The following ZDHHC14 variants were observed in gnomAD, a reference collection of about 807,000 sequenced individuals.
The protein encoded by ZDHHC14 is zDHHC palmitoyltransferase 14.
Under a neutral mutation model 47.7 loss-of-function variants are expected in ZDHHC14, and 16 were observed. The observed-to-expected ratio is 0.34, with a 90% CI of 0.23 to 0.51. The LOEUF is 0.51. ZDHHC14 is among the 20% of genes least tolerant of loss of function. The pLI is 0.97. For synonymous variants in ZDHHC14, 293 were observed against 278.9 expected, an observed-to-expected ratio of 1.05 and a Z score of -0.50; for missense variants, 515 against 662.5, an observed-to-expected ratio of 0.78 and a Z score of 2.44.
At chr6:157,628,319 CT>C (rs66974557) in intron 3 of ZDHHC14, 29 bp from the exon 4 acceptor site, 86,798 of 1,403,166 alleles carry the variant, frequency 0.062, 5,082 homozygotes, top group African/African-American at 0.44. Context: ...TTGATTTCCA[CT>C]TTTTTTTTTT....
chr6:157,664,468 C>T (rs1292332742), intron 8 of ZDHHC14, among the ~76,000 whole-genome samples: 1 of 152,136 alleles, frequency 6.6e-6, no homozygotes, highest in Non-Finnish European at 1.5e-5. Flanking sequence ...GGCTAGTCAC[C>T]TTGAACGTGT....
chr6:157,552,228 AG>A (rs1178337689), intron 2 of ZDHHC14, among the ~76,000 whole-genome samples: 1 of 152,190 alleles, frequency 6.6e-6, no homozygotes, highest in African/African-American at 2.4e-5. Flanking sequence ...GGGAGGATAA[AG>A]CAAGATGATG....
intron 3 of ZDHHC14, among the ~76,000 whole-genome samples, chr6:157,596,625 G>A (rs1784144322): frequency 6.6e-6 from 1 of 152,178 alleles, no homozygotes; most frequent in Admixed American, 6.5e-5. Flanking sequence ...GGCCAGGGCT[G>A]AATCCTGGTC....
intron 1 of ZDHHC14, among the ~76,000 whole-genome samples, chr6:157,459,812 C>G (rs967003916): frequency 1.3e-5 from 2 of 152,140 alleles, no homozygotes; most frequent in Non-Finnish European, 2.9e-5. Context: ...TGGTGGCTCA[C>G]ACCTGTAATC....
chr6:157,540,933 T>TATAA (rs1252700559), intron 1 of ZDHHC14, among the ~76,000 whole-genome samples: 19 of 143,446 alleles, frequency 1.3e-4, no homozygotes, highest in African/African-American at 5.3e-4. Flanking sequence ...TATATATATA[T>TATAA]AATTTCATAC....
At chr6:157,397,671 G>A (rs187198249) in intron 1 of ZDHHC14, among the ~76,000 whole-genome samples, 38 of 152,336 alleles carry the variant, frequency 2.5e-4, no homozygotes, top group Non-Finnish European at 4.0e-4. Context: ...AAGGTAACGT[G>A]TTCACAGGTT....
intron 2 of ZDHHC14, among the ~76,000 whole-genome samples, chr6:157,592,162 G>C (rs984432008): frequency 2.6e-5 from 4 of 151,856 alleles, no homozygotes; most frequent in Admixed American, 2.6e-4. Context: ...TCTGGAACAG[G>C]GTTCACACCT....
chr6:157,402,901 AT>A (rs1357137207), intron 1 of ZDHHC14, among the ~76,000 whole-genome samples: 2 of 152,062 alleles, frequency 1.3e-5, no homozygotes, highest in East Asian at 3.9e-4. Flanking sequence ...TAGTTTTTAA[AT>A]TTTTTTATTT....
At chr6:157,628,589 T>G in intron 4 of ZDHHC14, 103 bp downstream of exon 4, 1 of 1,431,124 alleles carries the variant, frequency 7.0e-7, no homozygotes, top group South Asian at 1.3e-5. Flanking sequence ...GGGCTTTCTC[T>G]TTCCCTTTCT....
At chr6:157,602,028 C>T (rs948116077) in intron 3 of ZDHHC14, among the ~76,000 whole-genome samples, 15 of 151,528 alleles carry the variant, frequency 9.9e-5, no homozygotes, top group East Asian at 3.9e-4. Flanking sequence ...ATGGTGAAAC[C>T]GCGTCTCTAC....
At chr6:157,553,551 A>T (rs1351286521) in intron 2 of ZDHHC14, among the ~76,000 whole-genome samples, 1 of 149,808 alleles carries the variant, frequency 6.7e-6, no homozygotes, top group African/African-American at 2.5e-5. Flanking sequence ...CACCCTCCGA[A>T]CCCCTGTCAT....
At chr6:157,443,058 C>A (rs139804221) in intron 1 of ZDHHC14, among the ~76,000 whole-genome samples, 2,165 of 152,262 alleles carry the variant, frequency 0.014, 54 homozygotes, top group African/African-American at 0.05. Context: ...GAATTGTAAA[C>A]CCCATATGTT....
chr6:157,627,524 T>A (rs2114950107), intron 3 of ZDHHC14, among the ~76,000 whole-genome samples: 1 of 152,326 alleles, frequency 6.6e-6, no homozygotes, highest in South Asian at 2.1e-4. Context: ...CATTACAGAC[T>A]TTGTGTGCAG....
intron 1 of ZDHHC14, among the ~76,000 whole-genome samples, chr6:157,519,090 A>T (rs912684000): frequency 1.3e-5 from 2 of 152,214 alleles, no homozygotes; most frequent in Non-Finnish European, 2.9e-5. Context: ...GCTGAGCAAC[A>T]GGAGTTTTAG....
chr6:157,455,329 T>C (rs888076161), intron 1 of ZDHHC14, among the ~76,000 whole-genome samples: 1 of 152,202 alleles, frequency 6.6e-6, no homozygotes, highest in African/African-American at 2.4e-5. Flanking sequence ...CACCATGCCT[T>C]AGAGGCAAAG....
intron 1 of ZDHHC14, among the ~76,000 whole-genome samples, chr6:157,446,935 A>G (rs955058438): frequency 3.3e-5 from 5 of 151,930 alleles, no homozygotes; most frequent in Admixed American, 6.6e-5. Context: ...CCTGGCCAAC[A>G]TGGTGAAACC....
chr6:157,515,575 T>G (rs949348249), intron 1 of ZDHHC14, among the ~76,000 whole-genome samples: 1 of 149,930 alleles, frequency 6.7e-6, no homozygotes, highest in African/African-American at 2.4e-5. Context: ...GCCATTCTCC[T>G]GCCTCAGCTT....
intron 8 of ZDHHC14, 76 bp downstream of exon 8, chr6:157,653,703 C>T: frequency 6.8e-7 from 1 of 1,470,718 alleles, no homozygotes; most frequent in Non-Finnish European, 9.3e-7. Context: ...ACCAAGCAGC[C>T]TTCCTAGCAA....
intron 1 of ZDHHC14, among the ~76,000 whole-genome samples, chr6:157,458,849 A>ATTTTTTTTTTTTTTTTTTTC (rs1778993071): frequency 1.2e-5 from 1 of 81,226 alleles, no homozygotes; most frequent in Non-Finnish European, 2.3e-5. Context: ...ATGTGGGTGG[A>ATTTTTTTTTTTTTTTTTTTC]TTTTTTTTTT....
Sources: gnomAD v4.1 joint callset for allele counts (sites outside exome capture counted in the v4.1 genomes callset) on GRCh38, gnomAD v4.1.1 for gene constraint, MANE v1.5 for transcripts, NCBI Gene and HGNC (gene_info 2026-07-23, HGNC 2026-07-21) for gene names.